The following ERBIN variants were observed in gnomAD, a reference collection of about 807,000 sequenced individuals.
ERBIN encodes densin-180-like protein.
Under a neutral mutation model 158.4 loss-of-function variants are expected in ERBIN, and 60 were observed. The observed-to-expected ratio is 0.38, with a 90% CI of 0.31 to 0.47. The LOEUF is 0.47. Among genes scored for constraint, ERBIN ranks in the 20% least tolerant of loss-of-function variants. The probability of loss-of-function intolerance (pLI) is 0.99; values close to 1 mark genes in which losing one functional copy is unlikely to be tolerated. For synonymous variants in ERBIN, 594 were observed against 557.2 expected, an observed-to-expected ratio of 1.07 and a Z score of -0.93; for missense variants, 1,610 against 1,648.0, an observed-to-expected ratio of 0.98 and a Z score of 0.40.
chr5:66,056,548 T>G (rs865958380), intron 21 of ERBIN, among the ~76,000 whole-genome samples: 2 of 152,276 alleles, frequency 1.3e-5, no homozygotes, highest in Admixed American at 6.5e-5. Flanking sequence ...CGCTTTTTTT[T>G]TTAATTGCCT....
chr5:65,931,376 G>A (rs1361834801), intron 1 of ERBIN, among the ~76,000 whole-genome samples: 2 of 152,204 alleles, frequency 1.3e-5, no homozygotes, highest in Admixed American at 1.3e-4. Flanking sequence ...GAATAACTTA[G>A]AAAATAATCT....
chr5:65,948,808 C>T (rs1455400550), intron 1 of ERBIN, among the ~76,000 whole-genome samples: 1 of 120,252 alleles, frequency 8.3e-6, no homozygotes, highest in Non-Finnish European at 1.6e-5. Flanking sequence ...CTGTCACTTA[C>T]GTTGGAGTGC....
intron 21 of ERBIN, among the ~76,000 whole-genome samples, chr5:66,068,229 C>T (rs1475424800): frequency 6.6e-6 from 1 of 151,700 alleles, no homozygotes; most frequent in Non-Finnish European, 1.5e-5. Flanking sequence ...GACCTGTAGT[C>T]CTGTCTACTC....
intron 14 of ERBIN, among the ~76,000 whole-genome samples, chr5:66,030,334 G>A (rs749998072): frequency 1.3e-5 from 2 of 152,056 alleles, no homozygotes; most frequent in African/African-American, 4.8e-5. Context: ...GAGCCACCAC[G>A]CCCAGCTTTA....
rs776367178 is a variant in ERBIN, at chr5:66,053,627, T to C, written c.2309T>C (p.Leu770Pro). ...CATATCAATATGAATCTTAATAAACTTATAACTAATGATACATTTCAACCA... is the reference window on the plus strand; with the variant it reads ...CATATCAATATGAATCTTAATAAACCTATAACTAATGATACATTTCAACCA... ...LDHINMNLNK[L>P]ITNDTFQPEI... Residue 770 changes from leucine (L) to proline (P), a missense_variant, in exon 21 of 26, where the codon CTT becomes CCT. Physicochemically the swap from Leu to Pro is moderately conservative, Grantham distance 98. Coordinates refer to ENST00000284037, the MANE Select transcript of ERBIN (RefSeq NM_001253697.2). 6 of 1,612,274 alleles carry C rather than the reference T, an allele frequency of 3.7e-6. No homozygotes were observed. The South Asian group carries it at 5.5e-5, about 15-fold the overall frequency.
rs140029154 is a variant in ERBIN, at chr5:66,052,737, T to C, written c.2088-669T>C. ...TAATATCACAGGTAGAAATAAAATA[T>C]TTTGTATAATTTTGGAATGACACAT... On this transcript the variant is annotated intron_variant, in intron 20 of 25. Coordinates refer to ENST00000284037, the MANE Select transcript of ERBIN (RefSeq NM_001253697.2). 7.9e-3 allele frequency among the ~76,000 whole-genome samples: 1,199 copies of C among 152,272 alleles called. 9 individuals carry two copies. The highest frequency in any genetic ancestry group is 0.011 in the Non-Finnish European group (726 of 67,990).
intron 22 of ERBIN, among the ~76,000 whole-genome samples, chr5:66,072,959 T>C (rs890820409): frequency 6.6e-6 from 1 of 152,218 alleles, no homozygotes; most frequent in African/African-American, 2.4e-5. Context: ...TATAAGTTCA[T>C]AAGTCATCTA....
chr5:65,993,478 GT>G (rs927225062), intron 3 of ERBIN, among the ~76,000 whole-genome samples: 1 of 149,342 alleles, frequency 6.7e-6, no homozygotes, highest in Admixed American at 6.7e-5. Flanking sequence ...TTATCACCTT[GT>G]TTTTTTTTCA....
intron 1 of ERBIN, chr5:65,961,133 T>C (rs1014994540): frequency 6.6e-6 from 1 of 152,234 alleles, no homozygotes; most frequent in African/African-American, 2.4e-5. Flanking sequence ...TGTGTAATTC[T>C]GAAATTCAGA....
At chr5:65,967,216 T>C (rs946444428) in intron 1 of ERBIN, among the ~76,000 whole-genome samples, 1 of 152,146 alleles carries the variant, frequency 6.6e-6, no homozygotes, top group African/African-American at 2.4e-5. Context: ...AACGTTATAA[T>C]AAGCTAAGGT....
chr5:65,938,671 G>T (rs1002919858), intron 1 of ERBIN, among the ~76,000 whole-genome samples: 4 of 152,092 alleles, frequency 2.6e-5, no homozygotes, highest in African/African-American at 9.7e-5. Context: ...TTCTGCCTCA[G>T]CCTTCCAAGT....
At chr5:66,016,706 C>G (rs1389447129) in intron 7 of ERBIN, among the ~76,000 whole-genome samples, 1 of 151,756 alleles carries the variant, frequency 6.6e-6, no homozygotes, top group Admixed American at 6.6e-5. Flanking sequence ...CTCCGCCCCC[C>G]AAGTTAAGGC....
At chr5:65,928,903 G>A (rs1174016975) in intron 1 of ERBIN, among the ~76,000 whole-genome samples, 1 of 152,164 alleles carries the variant, frequency 6.6e-6, no homozygotes, top group Non-Finnish European at 1.5e-5. Context: ...TTCAAAATTT[G>A]GATATTCTTC....
chr5:66,025,840 A>T lies in ERBIN; in HGVS notation c.891-8A>T. On this transcript the variant is annotated splice_polypyrimidine_tract_variant and splice_region_variant and intron_variant, in intron 11 of 25. Coordinates refer to ENST00000284037, the MANE Select transcript of ERBIN (RefSeq NM_001253697.2). ...CAAATAATATATATTTCTTTTTTTA[A>T]ATTAAAGGTTAATATCAGTAGAAGA... 7.1e-7 allele frequency: 1 copy of T among 1,408,166 alleles called. No individual in the cohort carries two copies. The highest frequency in any genetic ancestry group is 9.4e-7 in the Non-Finnish European group (1 of 1,060,296). The allele number at this position is 1,408,166 out of a possible 1,614,324, so 87.2% of individuals were successfully genotyped here.
chr5:65,945,351 A>G (rs1214172675), intron 1 of ERBIN, among the ~76,000 whole-genome samples: 6 of 152,210 alleles, frequency 3.9e-5, no homozygotes, highest in Non-Finnish European at 8.8e-5. Context: ...TTTCTTCATT[A>G]GTTTCTATAG....
intron 1 of ERBIN, among the ~76,000 whole-genome samples, chr5:65,952,062 A>G (rs1746563703): frequency 6.6e-6 from 1 of 152,136 alleles, no homozygotes; most frequent in African/African-American, 2.4e-5. Context: ...AGACATTAGG[A>G]CTCATGTTCT....
At chr5:66,052,209 A>C (rs1461360351) in intron 20 of ERBIN, among the ~76,000 whole-genome samples, 1 of 152,060 alleles carries the variant, frequency 6.6e-6, no homozygotes, top group African/African-American at 2.4e-5. Context: ...AAAAAAAAAA[A>C]AAAAAGATCG....
intron 4 of ERBIN, among the ~76,000 whole-genome samples, chr5:65,995,991 C>T (rs2151058832): frequency 6.6e-6 from 1 of 152,178 alleles, no homozygotes; most frequent in Non-Finnish European, 1.5e-5. Flanking sequence ...TTTTTAGTTT[C>T]TTACATATTT....
At chr5:66,028,582 T>C (rs1756519844) in intron 14 of ERBIN, among the ~76,000 whole-genome samples, 1 of 152,192 alleles carries the variant, frequency 6.6e-6, no homozygotes, top group South Asian at 2.1e-4. Flanking sequence ...TGTTAAAATA[T>C]TGAGCGATTA....
Sources: gnomAD v4.1 joint callset for allele counts (sites outside exome capture counted in the v4.1 genomes callset) on GRCh38, gnomAD v4.1.1 for gene constraint, MANE v1.5 for transcripts, NCBI Gene and HGNC (gene_info 2026-07-23, HGNC 2026-07-21) for gene names.